Variants in LRRC9 observed in about 807,000 individuals in gnomAD.
LRRC9 encodes the protein leucine-rich repeat-containing protein 9.
Under a neutral mutation model 63.2 loss-of-function variants are expected in LRRC9, and 122 were observed. The observed-to-expected ratio is 1.93, with a 90% confidence interval of 1.67 to 2.24. LRRC9 has a LOEUF of 2.24. Among genes scored for constraint, LRRC9 ranks in the 30% most tolerant of loss-of-function variants. LRRC9 has a pLI of 0.00. For synonymous variants in LRRC9, 366 were observed against 213.1 expected (o/e 1.72, Z -6.25); for missense variants, 1,071 against 627.7 (o/e 1.71, Z -7.55).
rs1401120811 is a variant in LRRC9, at chr14:59,990,171, C to T, written c.2211+4947C>T. On this transcript the variant is annotated intron_variant, in intron 17 of 31. Coordinates refer to ENST00000445360, the Ensembl canonical transcript of LRRC9. This position sits in a 1 kb window ranked among gnomAD's most constrained non-coding sequence, Gnocchi z 4.2. ...TGAACTCCCGACTTCAGGTGATCTG[C>T]CCGCCTCGACCTCCCAAAGTGCTGG... is the stretch of plus-strand genomic sequence containing the variant. Among the ~76,000 whole-genome samples, 2 of 152,136 alleles carry T rather than the reference C, an allele frequency of 1.3e-5. No individual in the cohort carries two copies. The highest frequency in any genetic ancestry group is 4.8e-5 in the African/African-American group (2 of 41,444).
In LRRC9 at chr14:60,012,792, AC is replaced by A. The variant is rs1227233448; in HGVS notation, c.3187-3867del. 2.0e-5 allele frequency among the ~76,000 whole-genome samples: 3 copies of A among 152,338 alleles called. No homozygotes were observed. The East Asian group carries it at 5.8e-4, about 29-fold the overall frequency. On this transcript the variant is annotated intron_variant, in intron 23 of 31. Coordinates refer to ENST00000445360, the Ensembl canonical transcript of LRRC9. ...AGGCTAAAATACTGACTGACTCTTTACAGGAAAACTGTAGAAAACATTTGTC... is the reference window on the plus strand; with the variant it reads ...AGGCTAAAATACTGACTGACTCTTTAAGGAAAACTGTAGAAAACATTTGTC...
At position 59,965,008 on chromosome 14, in the gene LRRC9, C is replaced by T. The variant is rs1884691490; in HGVS notation, c.1212-1581C>T. 2.0e-5 allele frequency among the ~76,000 whole-genome samples: 3 copies of T among 152,302 alleles called. No homozygotes were observed. The Middle Eastern group carries it at 0.01, about 518-fold the overall frequency. On this transcript the variant is annotated intron_variant, in intron 10 of 31. Coordinates refer to ENST00000445360, the Ensembl canonical transcript of LRRC9. Reference sequence around the variant, plus strand: ...AGAGACTACCCATCAGGAAGCTCACCTCTGTGACCTTAGCTCACACCCATT... The same window carrying T: ...AGAGACTACCCATCAGGAAGCTCACTTCTGTGACCTTAGCTCACACCCATT...
intron 7 of LRRC9, among the ~76,000 whole-genome samples, chr14:59,941,448 A>G (rs1264860610): frequency 6.6e-6 from 1 of 151,564 alleles, no homozygotes; most frequent in Non-Finnish European, 1.5e-5. Context: ...AATTTTAGAT[A>G]ACCTATTAAT....
chr14:60,062,024 G>A (rs963432401), intron 31 of LRRC9: 12 of 398,364 alleles, frequency 3.0e-5, no homozygotes, highest in African/African-American at 2.3e-4. Context: ...AAAAAAACAA[G>A]AATGCTGGGA....
chr14:59,999,088 TG>T lies in LRRC9; in HGVS notation c.2404-12del. The T allele has an allele frequency of 3.1e-6, 2 of 639,660 alleles. No homozygotes were observed. Among genetic ancestry groups the T allele is most frequent in the East Asian group, 2.8e-5 (1 of 36,210 alleles). 39.6% of individuals were successfully genotyped at this position (639,660 alleles called of 1,614,324 possible). A position where few individuals can be genotyped will look rare whatever the true frequency, so the allele number is the denominator to read the frequency against. ...AACAGTTTATAAAAAATTTTTTTTTTGTTTTTCCCAAGCCAGCCACATTGAG... is the reference window on the plus strand; with the variant it reads ...AACAGTTTATAAAAAATTTTTTTTTTTTTTTCCCAAGCCAGCCACATTGAG... On this transcript the variant is annotated splice_polypyrimidine_tract_variant and intron_variant, in intron 18 of 31. Coordinates refer to ENST00000445360, the Ensembl canonical transcript of LRRC9.
In LRRC9 at chr14:60,045,101, A is replaced by G. The variant is rs186028520; in HGVS notation, c.3991-7964A>G. 4.1e-3 allele frequency among the ~76,000 whole-genome samples: 581 copies of G among 142,356 alleles called. 1 individual carries two copies. Among genetic ancestry groups the G allele is most frequent in the Non-Finnish European group, 5.7e-3 (382 of 66,866 alleles). 93.4% of individuals were successfully genotyped at this position (142,356 alleles called of 152,430 possible). ...TTTGATTTGTAGACTCTTTTATCTA[A>G]TATAAGTATAGTTACTGCTGCTCTT... On this transcript the variant is annotated intron_variant, in intron 29 of 31. Transcript: ENST00000445360.
chr14:60,005,838 C>T (rs979189397), intron 21 of LRRC9, among the ~76,000 whole-genome samples: 3 of 152,070 alleles, frequency 2.0e-5, no homozygotes, highest in African/African-American at 7.2e-5. Context: ...CTGCACTGTC[C>T]TGGCTATACT....
chr14:59,955,946 G>T (rs969845128), intron 8 of LRRC9, among the ~76,000 whole-genome samples: 4 of 152,066 alleles, frequency 2.6e-5, no homozygotes, highest in East Asian at 1.9e-4. Flanking sequence ...TTTTGTGTGG[G>T]TTTTAAGTGA....
chr14:60,062,343 C>G (rs760485722), intron 31 of LRRC9, among the ~76,000 whole-genome samples, 164 bp downstream of exon 32: 7 of 152,184 alleles, frequency 4.6e-5, no homozygotes, highest in Admixed American at 1.3e-4. Context: ...TTAATTCCCA[C>G]GTTCACCAAA....
chr14:60,019,708 C>T (rs219394), intron 26 of LRRC9, among the ~76,000 whole-genome samples: 112,984 of 151,324 alleles, frequency 0.75, 44,266 homozygotes, highest in Non-Finnish European at 0.87. Context: ...GCTTTTTTTT[C>T]AGCATTTGTT....
chr14:60,054,065 G>A, intron 30 of LRRC9: 1 of 350,376 alleles, frequency 2.9e-6, no homozygotes, highest in Non-Finnish European at 5.5e-6. Context: ...CATGAACAGA[G>A]GTGACTTTAA....
intron 27 of LRRC9, among the ~76,000 whole-genome samples, chr14:60,023,746 A>G (rs544679070): frequency 6.6e-6 from 1 of 152,062 alleles, no homozygotes; most frequent in South Asian, 2.1e-4. Context: ...GCTGCACCCA[A>G]CAACCCATCA....
chr14:59,921,110 T>C (rs1888735008), intron 1 of LRRC9, among the ~76,000 whole-genome samples: 1 of 152,058 alleles, frequency 6.6e-6, no homozygotes, highest in Non-Finnish European at 1.5e-5. Flanking sequence ...TTTAGGGAAG[T>C]ATGGAGTATG....
chr14:60,007,691 C>A (rs894791882), intron 22 of LRRC9, among the ~76,000 whole-genome samples: 7 of 152,034 alleles, frequency 4.6e-5, no homozygotes, highest in Non-Finnish European at 1.0e-4. Flanking sequence ...GCACTAGTAT[C>A]CTAAAAGGGA....
At chr14:59,949,475 A>AT (rs1882859678) in intron 8 of LRRC9, among the ~76,000 whole-genome samples, 1 of 149,706 alleles carries the variant, frequency 6.7e-6, no homozygotes, top group South Asian at 2.1e-4. Context: ...GGATTCATTG[A>AT]TTTTTTGAAG....
rs755076507 is a variant in LRRC9, at chr14:60,058,042, T to C, written c.4276+20T>C. The C allele has an allele frequency of 5.2e-6, 3 of 577,032 alleles. No individual in the cohort carries two copies. Among genetic ancestry groups the C allele is most frequent in the Admixed American group, 2.3e-5 (1 of 44,282 alleles). The allele number at this position is 577,032 out of a possible 1,614,324, so 35.7% of individuals were successfully genotyped here. On this transcript the variant is annotated intron_variant, in intron 31 of 31. Coordinates refer to ENST00000445360, the Ensembl canonical transcript of LRRC9. The surrounding 1 kb of genome is among the most constrained non-coding windows in gnomAD (Gnocchi z 4.4). ...TTGAAGGTATTTTGACAATTTCAGA[T>C]AGAATGTAAAAGAATCACTTAATTT... is the stretch of plus-strand genomic sequence containing the variant.
At chr14:60,057,303 C>T (rs1209353829) in intron 30 of LRRC9, among the ~76,000 whole-genome samples, 1 of 152,090 alleles carries the variant, frequency 6.6e-6, no homozygotes, top group Non-Finnish European at 1.5e-5. Context: ...CTTACAAAAG[C>T]CCCTTAATCC....
intron 6 of LRRC9, among the ~76,000 whole-genome samples, chr14:59,935,788 A>G (rs918370537): frequency 6.6e-6 from 1 of 152,216 alleles, no homozygotes; most frequent in Non-Finnish European, 1.5e-5. Flanking sequence ...GTGGAGGCTC[A>G]AGGTGGTTGA....
At position 60,001,954 on chromosome 14, in the gene LRRC9, A is replaced by T; in HGVS notation, c.2530-12A>T. The T allele has an allele frequency of 1.6e-6, 1 of 635,210 alleles. No homozygotes were observed. Among genetic ancestry groups the T allele is most frequent in the Non-Finnish European group, 2.8e-6 (1 of 355,688 alleles). The allele number at this position is 635,210 out of a possible 1,614,324, so 39.3% of individuals were successfully genotyped here. On this transcript the variant is annotated splice_polypyrimidine_tract_variant and intron_variant, in intron 19 of 31. Coordinates refer to ENST00000445360, the Ensembl canonical transcript of LRRC9. ...GTTTCCTTTTTTCACTGTATTTTTTAAATTTTATTAGTTATCTCTCTTACG... is the reference window on the plus strand; with the variant it reads ...GTTTCCTTTTTTCACTGTATTTTTTTAATTTTATTAGTTATCTCTCTTACG...
Sources: gnomAD v4.1 joint callset for allele counts (sites outside exome capture counted in the v4.1 genomes callset) on GRCh38, gnomAD v4.1.1 for gene constraint, Gnocchi (gnomAD v3.1) non-coding constraint, MANE v1.5 for transcripts, NCBI Gene and HGNC (gene_info 2026-07-23, HGNC 2026-07-21) for gene names.